The following STK24 variants were observed in gnomAD, a reference collection of about 807,000 sequenced individuals.
STK24 encodes serine/threonine-protein kinase 24.
Under a neutral mutation model 55.6 loss-of-function variants are expected in STK24, and 21 were observed. That is an observed-to-expected ratio of 0.38 (90% CI 0.27 to 0.54). The LOEUF (loss-of-function observed/expected upper bound fraction) is 0.54, where lower values mean the gene tolerates loss of function less well. STK24 is among the 20% of genes least tolerant of loss of function. The pLI is 0.79. For missense variants in STK24, 383 were observed against 538.4 expected (o/e 0.71, Z 2.86); for synonymous variants, 200 against 215.2 (o/e 0.93, Z 0.62).
rs747482307 is a variant in STK24 at position 98,466,578 on chromosome 13, A to T, written c.598-17T>A. 6.2e-7 allele frequency: 1 copy of T among 1,611,462 alleles called. No homozygotes were observed. Among genetic ancestry groups the T allele is most frequent in the South Asian group, 1.1e-5 (1 of 90,932 alleles). On this transcript the variant is annotated splice_polypyrimidine_tract_variant and intron_variant, in intron 5 of 10. Coordinates refer to ENST00000539966, the MANE Select transcript of STK24 (RefSeq NM_001032296.4). ...GATGTCTGCCTGCAACAAGAAAAGC[A>T]TCTTTACAAACACCAAGCAGGAATC...
chr13:98,465,083 G>A (rs1893878784), intron 6 of STK24, among the ~76,000 whole-genome samples: 1 of 152,166 alleles, frequency 6.6e-6, no homozygotes, highest in Non-Finnish European at 1.5e-5. Context: ...CCTTGAGGAT[G>A]GCGATAGTGA....
chr13:98,504,329 G>A (rs1895603781), intron 2 of STK24, among the ~76,000 whole-genome samples: 1 of 152,212 alleles, frequency 6.6e-6, no homozygotes, highest in African/African-American at 2.4e-5. Context: ...CCTGTGCAAG[G>A]TTGCAATCCA....
At chr13:98,472,271 G>T (rs1251282996) in intron 5 of STK24, among the ~76,000 whole-genome samples, 4 of 152,192 alleles carry the variant, frequency 2.6e-5, no homozygotes, top group African/African-American at 9.7e-5. Flanking sequence ...CGCCTCCCGG[G>T]TCCACAAACC....
rs555529591 is a variant in STK24 at position 98,501,473 on chromosome 13, T to C, written c.273+17770A>G. The stretch of plus-strand genomic sequence containing the variant: ...TGTCAAAGTTTTAGAACATGAATTT[T>C]TCAAGTGAAAATTCTTATTTCCCCA... On this transcript the variant is annotated intron_variant, in intron 2 of 10. Transcript: ENST00000539966. Among the ~76,000 whole-genome samples, 207 of 152,312 alleles carry C rather than the reference T, an allele frequency of 1.4e-3. 1 individual carries two copies. Among genetic ancestry groups the C allele is most frequent in the Middle Eastern group, 3.4e-3 (1 of 294 alleles).
intron 1 of STK24, among the ~76,000 whole-genome samples, chr13:98,532,060 A>AC (rs963073257): frequency 4.0e-5 from 6 of 151,856 alleles, no homozygotes; most frequent in African/African-American, 1.4e-4. Context: ...GAAGGGCCCC[A>AC]CCCCCCATCA....
chr13:98,516,131 T>A (rs1249784217), intron 2 of STK24, among the ~76,000 whole-genome samples: 1 of 152,216 alleles, frequency 6.6e-6, no homozygotes. Flanking sequence ...TACACAAGAA[T>A]GGGCAGACAG....
In STK24 at chr13:98,528,743, A is replaced by T. The variant is rs1896500931; in HGVS notation, c.43-9270T>A. 2.0e-5 allele frequency among the ~76,000 whole-genome samples: 3 copies of T among 152,210 alleles called. No individual in the cohort carries two copies. In the South Asian group the frequency reaches 6.2e-4, roughly 32 times the overall value. On this transcript the variant is annotated intron_variant, in intron 1 of 10. Transcript: ENST00000539966. The stretch of plus-strand genomic sequence containing the variant: ...TTCAGTGTTACTCAGCTCCAAATGT[A>T]CCACTTGCACAGTCAAACCACACTC...
At chr13:98,478,240 A>G (rs1457372765) in intron 3 of STK24, among the ~76,000 whole-genome samples, 2 of 152,034 alleles carry the variant, frequency 1.3e-5, no homozygotes, top group East Asian at 3.9e-4. Context: ...AACCTAGACC[A>G]CATCCCACCT....
intron 5 of STK24, among the ~76,000 whole-genome samples, chr13:98,468,602 A>G (rs1341601512): frequency 6.6e-6 from 1 of 152,194 alleles, no homozygotes; most frequent in Non-Finnish European, 1.5e-5. Context: ...GGTGGCTCTC[A>G]AGTTTGTGTG....
chr13:98,481,059 C>A (rs1289301026), intron 3 of STK24, among the ~76,000 whole-genome samples: 1 of 152,194 alleles, frequency 6.6e-6, no homozygotes, highest in Middle Eastern at 3.2e-3. Flanking sequence ...ACAGATCTGG[C>A]CTATCTTGAA....
chr13:98,555,557 C>A (rs1256098416), intron 1 of STK24, among the ~76,000 whole-genome samples: 1 of 151,008 alleles, frequency 6.6e-6, no homozygotes, highest in South Asian at 2.1e-4. Flanking sequence ...CCAGCCTGGG[C>A]GACAGAGTGA....
chr13:98,496,226 G>T (rs560052498), intron 2 of STK24, among the ~76,000 whole-genome samples: 156 of 152,346 alleles, frequency 1.0e-3, no homozygotes, highest in African/African-American at 3.4e-3. Flanking sequence ...AAGAACCAGA[G>T]AATCCTCATG....
intron 2 of STK24, among the ~76,000 whole-genome samples, chr13:98,489,499 AGAGT>A (rs1894937636): frequency 6.6e-6 from 1 of 152,242 alleles, no homozygotes; most frequent in Admixed American, 6.5e-5. Flanking sequence ...GGGGGAACGC[AGAGT>A]GAGTAACACC....
In STK24 at chr13:98,449,267, A is replaced by G. The variant is rs557362671; in HGVS notation, c.*3906T>C. On this transcript the variant is annotated 3_prime_UTR_variant, in exon 11 of 11. Coordinates refer to ENST00000539966, the MANE Select transcript of STK24 (RefSeq NM_001032296.4). ...GTCGTTATTCCTATATCCTCCTGCA[A>G]CTGTGGTTTGAAACTGCGCATTCTC... The G allele has an allele frequency of 1.3e-5, 2 of 152,334 alleles. No homozygotes were observed. The highest frequency in any genetic ancestry group is 3.9e-4 in the East Asian group (2 of 5,184). 9.4% of individuals were successfully genotyped at this position (152,334 alleles called of 1,614,324 possible). A position where few individuals can be genotyped will look rare whatever the true frequency, so the allele number is the denominator to read the frequency against.
chr13:98,490,960 G>T (rs2139322250), intron 2 of STK24, among the ~76,000 whole-genome samples: 1 of 152,292 alleles, frequency 6.6e-6, no homozygotes, highest in Admixed American at 6.5e-5. Flanking sequence ...GTTCTCTGGA[G>T]AAAACGAGAG....
At chr13:98,535,563 G>A (rs1439321457) in intron 1 of STK24, among the ~76,000 whole-genome samples, 2 of 152,050 alleles carry the variant, frequency 1.3e-5, no homozygotes, top group African/African-American at 4.8e-5. Context: ...GTAACAAACA[G>A]TGGCAGCTCC....
chr13:98,544,667 G>A (rs530465898), intron 1 of STK24, among the ~76,000 whole-genome samples: 6 of 152,314 alleles, frequency 3.9e-5, no homozygotes, highest in South Asian at 2.1e-4. Context: ...CGAGGCATGC[G>A]GAGACGCCTC....
chr13:98,513,296 A>G (rs905761669), intron 2 of STK24, among the ~76,000 whole-genome samples: 1 of 152,218 alleles, frequency 6.6e-6, no homozygotes, highest in African/African-American at 2.4e-5. Context: ...TGTCAGCCCT[A>G]GAAACACCAT....
intron 1 of STK24, among the ~76,000 whole-genome samples, chr13:98,555,504 G>T (rs1304099985): frequency 6.6e-6 from 1 of 151,406 alleles, no homozygotes; most frequent in Non-Finnish European, 1.5e-5. Context: ...GCATGAACCC[G>T]GGAGGCGGAG....
Sources: gnomAD v4.1 joint callset for allele counts (sites outside exome capture counted in the v4.1 genomes callset) on GRCh38, gnomAD v4.1.1 for gene constraint, MANE v1.5 for transcripts, NCBI Gene and HGNC (gene_info 2026-07-23, HGNC 2026-07-21) for gene names.